The following FAM168A variants were observed in gnomAD, a reference collection of about 807,000 sequenced individuals.
The protein encoded by FAM168A is family with sequence similarity 168 member A.
FAM168A carries 3 observed loss-of-function variants against 28.5 expected under a neutral mutation model. The observed-to-expected ratio is 0.11, with a 90% CI of 0.05 to 0.27. FAM168A has a LOEUF of 0.27. Ranked by LOEUF, FAM168A falls within the 10% of genes least tolerant of loss-of-function variation. The pLI is 1.00. For synonymous variants in FAM168A, 122 were observed against 124.2 expected (o/e 0.98, Z 0.12); for missense variants, 222 against 311.5 (o/e 0.71, Z 2.16).
intron 1 of FAM168A, among the ~76,000 whole-genome samples, chr11:73,528,828 G>A (rs1943480102): frequency 6.6e-6 from 1 of 152,002 alleles, no homozygotes; most frequent in Admixed American, 6.6e-5. Context: ...TGTGTCTGTT[G>A]GCCCAGGAGC....
At chr11:73,450,020 A>T (rs1160652827) in intron 2 of FAM168A, among the ~76,000 whole-genome samples, 1 of 152,236 alleles carries the variant, frequency 6.6e-6, no homozygotes, top group Non-Finnish European at 1.5e-5. Flanking sequence ...ACTCAACATG[A>T]GTCCTTTTAA....
intron 2 of FAM168A, among the ~76,000 whole-genome samples, chr11:73,466,948 T>A (rs1403721960): frequency 6.6e-6 from 1 of 151,978 alleles, no homozygotes; most frequent in Non-Finnish European, 1.5e-5. Context: ...CTACATAAAG[T>A]TGGGACCTTG....
At position 73,403,613 on chromosome 11, in the gene FAM168A, G is replaced by A. The variant is rs1238795827; in HGVS notation, c.*3150C>T. The A allele has an allele frequency of 1.3e-5, 2 of 152,090 alleles. No individual in the cohort carries two copies. Among genetic ancestry groups the A allele is most frequent in the African/African-American group, 2.4e-5 (1 of 41,390 alleles). The allele number at this position is 152,090 out of a possible 1,614,324, so 9.4% of individuals were successfully genotyped here. On this transcript the variant is annotated 3_prime_UTR_variant, in exon 8 of 8. Transcript: ENST00000356467. ...ACCGTGCCATCTAGAATCTTTGGAG[G>A]TATCTACCTATGGTACCTCCCACTA...
rs576475207 is a variant in FAM168A, at chr11:73,453,396, T to C, written c.70+15009A>G. Among the ~76,000 whole-genome samples, 4 of 152,322 alleles carry C rather than the reference T, an allele frequency of 2.6e-5. No homozygotes were observed. In the South Asian group the frequency reaches 8.3e-4, roughly 32 times the overall value. The stretch of plus-strand genomic sequence containing the variant: ...AGAACTCTGGGAAGCTGGCCAATTC[T>C]GACCCTAAATGCCAAGGAGTTCTCT... On this transcript the variant is annotated intron_variant, in intron 2 of 7. Coordinates refer to ENST00000356467, the MANE Select transcript of FAM168A (RefSeq NM_015159.3).
rs118112568 is a variant in FAM168A at position 73,449,125 on chromosome 11, G to A, written c.71-18355C>T. 4.1e-3 allele frequency among the ~76,000 whole-genome samples: 618 copies of A among 152,050 alleles called. 2 individuals are homozygous for A. Among genetic ancestry groups the A allele is most frequent in the Non-Finnish European group, 7.1e-3 (480 of 67,970 alleles). On this transcript the variant is annotated intron_variant, in intron 2 of 7. Transcript: ENST00000356467. The stretch of plus-strand genomic sequence containing the variant: ...TGAGTAGCTGGGACCACAGGTGTGC[G>A]CCACCTAATTTAAAAATTTTTTTTT...
intron 1 of FAM168A, among the ~76,000 whole-genome samples, chr11:73,586,579 A>G (rs1288956063): frequency 6.6e-6 from 1 of 152,236 alleles, no homozygotes; most frequent in African/African-American, 2.4e-5. Context: ...CAAAGGTTCC[A>G]GGCTATACAG....
intron 4 of FAM168A, among the ~76,000 whole-genome samples, chr11:73,415,455 G>A (rs1469854297): frequency 6.6e-6 from 1 of 152,192 alleles, no homozygotes; most frequent in African/African-American, 2.4e-5. Flanking sequence ...AACTGCCTGG[G>A]GGCCCTCATC....
At chr11:73,503,389 C>G (rs187726808) in intron 1 of FAM168A, among the ~76,000 whole-genome samples, 1 of 152,124 alleles carries the variant, frequency 6.6e-6, no homozygotes, top group Non-Finnish European at 1.5e-5. Flanking sequence ...CATGAATTAA[C>G]TCCCATTCAC....
intron 1 of FAM168A, among the ~76,000 whole-genome samples, chr11:73,530,857 A>G (rs979059672): frequency 6.6e-6 from 1 of 152,192 alleles, no homozygotes; most frequent in African/African-American, 2.4e-5. Flanking sequence ...CTGGAGCTCC[A>G]AAGATTGGAG....
At chr11:73,501,542 A>G (rs1362443744) in intron 1 of FAM168A, among the ~76,000 whole-genome samples, 1 of 152,252 alleles carries the variant, frequency 6.6e-6, no homozygotes, top group Non-Finnish European at 1.5e-5. Flanking sequence ...AAACTCGCTC[A>G]AAACCACACA....
intron 3 of FAM168A, among the ~76,000 whole-genome samples, chr11:73,421,075 G>GT (rs1555017545): frequency 6.6e-6 from 1 of 151,142 alleles, no homozygotes; most frequent in Non-Finnish European, 1.5e-5. Context: ...AAGTCTTGGG[G>GT]GGGGGGTCAT....
At chr11:73,500,541 A>G (rs963799827) in intron 1 of FAM168A, among the ~76,000 whole-genome samples, 1 of 152,120 alleles carries the variant, frequency 6.6e-6, no homozygotes, top group African/African-American at 2.4e-5. Flanking sequence ...TACAGGCATG[A>G]GCCACTGCAC....
At chr11:73,425,013 C>T in intron 3 of FAM168A, 1 of 1,526,264 alleles carries the variant, frequency 6.6e-7, no homozygotes, top group South Asian at 1.2e-5. Context: ...GGAAAAATAG[C>T]TTTCCTACCA....
intron 2 of FAM168A, among the ~76,000 whole-genome samples, chr11:73,447,532 G>A (rs1265403875): frequency 6.7e-6 from 1 of 149,614 alleles, no homozygotes; most frequent in Non-Finnish European, 1.5e-5. Context: ...TTCCAGCCTG[G>A]GCAACAGAGT....
In FAM168A at chr11:73,421,271, G is replaced by A. The variant is rs574153348; in HGVS notation, c.152-1272C>T. On this transcript the variant is annotated intron_variant, in intron 3 of 7. Transcript: ENST00000356467. ...CCCGTAACCCCCTCTGCCCATTCAGGTAACAGGTAATGCCTCTGGTTCCTT... is the reference window on the plus strand; with the variant it reads ...CCCGTAACCCCCTCTGCCCATTCAGATAACAGGTAATGCCTCTGGTTCCTT... Among the ~76,000 whole-genome samples the A allele has an allele frequency of 7.9e-5, 12 of 152,290 alleles. 1 individual carries two copies. In the South Asian group the frequency reaches 2.5e-3, roughly 32 times the overall value.
chr11:73,561,482 T>C (rs1943957970), intron 1 of FAM168A, among the ~76,000 whole-genome samples: 1 of 152,078 alleles, frequency 6.6e-6, no homozygotes, highest in Admixed American at 6.5e-5. Context: ...TATATATTAT[T>C]CTATTTTCAA....
At chr11:73,432,259 T>C (rs1043521603) in intron 2 of FAM168A, among the ~76,000 whole-genome samples, 14 of 152,342 alleles carry the variant, frequency 9.2e-5, no homozygotes, top group African/African-American at 3.4e-4. Flanking sequence ...TCTGTTTGAG[T>C]ACCTGTTTTC....
intron 1 of FAM168A, among the ~76,000 whole-genome samples, chr11:73,566,770 C>A (rs543983267): frequency 1.3e-5 from 2 of 152,174 alleles, no homozygotes; most frequent in Non-Finnish European, 2.9e-5. Flanking sequence ...AAAAGCAAGA[C>A]ATATTACAAA....
intron 1 of FAM168A, among the ~76,000 whole-genome samples, chr11:73,556,949 A>G (rs184854369): frequency 1.3e-5 from 2 of 152,182 alleles, no homozygotes; most frequent in African/African-American, 4.8e-5. Context: ...GAATCACCTG[A>G]ACCCAGGAGG....
Sources: allele counts gnomAD v4.1 joint callset (sites outside exome capture counted in the v4.1 genomes callset), GRCh38; gene constraint gnomAD v4.1.1; transcripts MANE v1.5; gene names NCBI Gene and HGNC (gene_info 2026-07-23, HGNC 2026-07-21).